Variants in ANGPT1 observed in about 807,000 individuals in gnomAD.
ANGPT1 encodes angiopoietin-1.
ANGPT1 carries 17 observed loss-of-function variants against 62.2 expected under a neutral mutation model. The observed-to-expected ratio is 0.27, with a 90% CI of 0.19 to 0.41. The LOEUF is 0.41. Ranked by LOEUF, ANGPT1 falls within the 10% of genes least tolerant of loss-of-function variation. The pLI is 1.00. For missense variants in ANGPT1, 478 were observed against 594.9 expected (o/e 0.80, Z 2.04); for synonymous variants, 199 against 198.9 (o/e 1.00, Z 0.00).
At chr8:107,375,652 G>A (rs368840788) in intron 1 of ANGPT1, among the ~76,000 whole-genome samples, 4 of 152,254 alleles carry the variant, frequency 2.6e-5, no homozygotes, top group African/African-American at 9.6e-5. Context: ...CGTTAGCCAG[G>A]CTCCATATTG....
intron 8 of ANGPT1, among the ~76,000 whole-genome samples, chr8:107,263,372 A>T: frequency 6.6e-6 from 1 of 151,458 alleles, no homozygotes; most frequent in East Asian, 1.9e-4. Context: ...AAAAAAAAAA[A>T]AAAAAAGGAA....
chr8:107,293,599 G>A (rs2130178893), intron 6 of ANGPT1, among the ~76,000 whole-genome samples: 1 of 152,196 alleles, frequency 6.6e-6, no homozygotes, highest in Middle Eastern at 3.4e-3. Flanking sequence ...TCCACAACCT[G>A]CAACCCTGCA....
At chr8:107,428,788 C>T (rs945236286) in intron 1 of ANGPT1, among the ~76,000 whole-genome samples, 2 of 152,118 alleles carry the variant, frequency 1.3e-5, no homozygotes, top group Non-Finnish European at 2.9e-5. Context: ...GTTATTTTGA[C>T]CTCTTGGCTC....
rs866207661 is a variant in ANGPT1, at chr8:107,464,312, C to A, written c.297+32950G>T. Among the ~76,000 whole-genome samples the A allele has an allele frequency of 5.9e-5, 9 of 152,112 alleles. No homozygotes were observed. The South Asian group carries it at 1.9e-3, about 32-fold the overall frequency. On this transcript the variant is annotated intron_variant, in intron 1 of 8. Transcript: ENST00000517746. ...CCTATGAATATGACTTGCCTCTATGCATCATGGTTTTTCCAACTACAAAAT... is the reference window on the plus strand; with the variant it reads ...CCTATGAATATGACTTGCCTCTATGAATCATGGTTTTTCCAACTACAAAAT...
At chr8:107,416,639 T>C (rs894945554) in intron 1 of ANGPT1, among the ~76,000 whole-genome samples, 7 of 152,110 alleles carry the variant, frequency 4.6e-5, no homozygotes, top group African/African-American at 1.7e-4. Context: ...ACAAAAAGGG[T>C]ATAATCTAAT....
At chr8:107,421,281 A>G (rs1194827867) in intron 1 of ANGPT1, among the ~76,000 whole-genome samples, 2 of 152,162 alleles carry the variant, frequency 1.3e-5, no homozygotes, top group Non-Finnish European at 2.9e-5. Flanking sequence ...GTCTTTTCTC[A>G]TCAAATTGCA....
chr8:107,358,634 A>C (rs1385049070), intron 1 of ANGPT1, among the ~76,000 whole-genome samples: 1 of 152,228 alleles, frequency 6.6e-6, no homozygotes, highest in Non-Finnish European at 1.5e-5. Context: ...TGTAAAAGTC[A>C]GTTTTAAAGA....
At chr8:107,262,409 A>G (rs1404795864) in intron 8 of ANGPT1, among the ~76,000 whole-genome samples, 4 of 152,300 alleles carry the variant, frequency 2.6e-5, no homozygotes, top group East Asian at 3.9e-4. Context: ...ATAAGTTTCT[A>G]TGTGTCACAG....
At chr8:107,256,821 G>A (rs1286861882) in intron 8 of ANGPT1, among the ~76,000 whole-genome samples, 1 of 151,874 alleles carries the variant, frequency 6.6e-6, no homozygotes, top group Non-Finnish European at 1.5e-5. Flanking sequence ...TGTCTCAAAT[G>A]TTTTTTTGTT....
At chr8:107,455,115 G>A (rs1811884207) in intron 1 of ANGPT1, among the ~76,000 whole-genome samples, 1 of 152,046 alleles carries the variant, frequency 6.6e-6, no homozygotes, top group Non-Finnish European at 1.5e-5. Flanking sequence ...CGCTTACTGA[G>A]ATTGTATGAT....
intron 3 of ANGPT1, among the ~76,000 whole-genome samples, chr8:107,323,696 T>C (rs577043458): frequency 4.3e-4 from 66 of 152,336 alleles, no homozygotes; most frequent in Admixed American, 1.1e-3. Flanking sequence ...TCAATCATAC[T>C]AGTCATGATA....
At chr8:107,361,145 C>G (rs1816152768) in intron 1 of ANGPT1, among the ~76,000 whole-genome samples, 1 of 152,016 alleles carries the variant, frequency 6.6e-6, no homozygotes, top group African/African-American at 2.4e-5. Context: ...TGGATTCTAA[C>G]ATTATTATAT....
chr8:107,409,408 A>C (rs1817214333), intron 1 of ANGPT1, among the ~76,000 whole-genome samples: 2 of 152,114 alleles, frequency 1.3e-5, no homozygotes, highest in Admixed American at 1.3e-4. Context: ...CACCAATGGG[A>C]CTCAGGCCAG....
intron 1 of ANGPT1, among the ~76,000 whole-genome samples, chr8:107,372,099 AT>A (rs1816427082): frequency 6.6e-6 from 1 of 152,130 alleles, no homozygotes; most frequent in Admixed American, 6.6e-5. Context: ...TTAAATAGAA[AT>A]TTTCAACTTC....
At chr8:107,339,550 C>G (rs990579575) in intron 2 of ANGPT1, among the ~76,000 whole-genome samples, 2 of 152,108 alleles carry the variant, frequency 1.3e-5, no homozygotes, top group South Asian at 2.1e-4. Context: ...TAATACCTTC[C>G]TCACCCTCCA....
At position 107,297,024 on chromosome 8, in the gene ANGPT1, C is replaced by T. The variant is rs141081355; in HGVS notation, c.937-2987G>A. 9.4e-3 allele frequency among the ~76,000 whole-genome samples: 1,398 copies of T among 148,152 alleles called. 12 individuals are homozygous for T. Among genetic ancestry groups the T allele is most frequent in the Non-Finnish European group, 0.015 (961 of 65,444 alleles). On this transcript the variant is annotated intron_variant, in intron 5 of 8. Coordinates refer to ENST00000517746, the MANE Select transcript of ANGPT1 (RefSeq NM_001146.5). ...GAGGCATCTTAGCTTTTAAATCACT[C>T]GGAAATTTTTGAAAAAGACAACTTT... is the stretch of plus-strand genomic sequence containing the variant.
intron 1 of ANGPT1, among the ~76,000 whole-genome samples, chr8:107,452,528 T>C (rs1341057050): frequency 6.6e-6 from 1 of 151,850 alleles, no homozygotes; most frequent in East Asian, 1.9e-4. Context: ...TTGTAATAGA[T>C]ATGCATGGCT....
chr8:107,338,175 G>A (rs1395927006), intron 2 of ANGPT1, among the ~76,000 whole-genome samples: 1 of 152,180 alleles, frequency 6.6e-6, no homozygotes, highest in Admixed American at 6.5e-5. Flanking sequence ...TGCAGGAGTA[G>A]GGGATGTATT....
At chr8:107,302,932 C>G (rs1814627847) in intron 5 of ANGPT1, among the ~76,000 whole-genome samples, 1 of 151,878 alleles carries the variant, frequency 6.6e-6, no homozygotes, top group Non-Finnish European at 1.5e-5. Context: ...TTCCCATAGA[C>G]TCACGGTAGA....
Sources: gnomAD v4.1 joint callset for allele counts (sites outside exome capture counted in the v4.1 genomes callset) on GRCh38, gnomAD v4.1.1 for gene constraint, MANE v1.5 for transcripts, NCBI Gene and HGNC (gene_info 2026-07-23, HGNC 2026-07-21) for gene names.